The following MTHFD1L variants were observed in gnomAD, a reference collection of about 807,000 sequenced individuals.
The protein encoded by MTHFD1L is methylenetetrahydrofolate dehydrogenase (NADP+ dependent) 1 like, also known as monofunctional C1-tetrahydrofolate synthase, mitochondrial.
In MTHFD1L, 81 loss-of-function variants were observed where a neutral mutation model predicts 119.5. That is an observed-to-expected ratio of 0.68 (90% confidence interval 0.57 to 0.82). MTHFD1L has a LOEUF of 0.82. Ranked by LOEUF, MTHFD1L falls within the 40% of genes least tolerant of loss-of-function variation. MTHFD1L has a pLI of 0.00. For synonymous variants in MTHFD1L, 430 were observed against 475.2 expected, an observed-to-expected ratio of 0.90 and a Z score of 1.24; for missense variants, 1,125 against 1,253.4, an observed-to-expected ratio of 0.90 and a Z score of 1.55.
intron 11 of MTHFD1L, chr6:150,935,389 A>G (rs1674009614): frequency 1.9e-6 from 3 of 1,613,946 alleles, no homozygotes; most frequent in East Asian, 2.2e-5. Context: ...TGAGGAACTC[A>G]TTGTCTCTTT....
chr6:150,914,682 G>A (rs190747870), intron 8 of MTHFD1L, among the ~76,000 whole-genome samples: 254 of 152,302 alleles, frequency 1.7e-3, no homozygotes, highest in African/African-American at 5.9e-3. Flanking sequence ...TAATCAGAAA[G>A]CAACACTGTA....
chr6:150,950,194 C>T (rs1206530941), intron 16 of MTHFD1L, among the ~76,000 whole-genome samples: 3 of 152,180 alleles, frequency 2.0e-5, no homozygotes, highest in East Asian at 1.9e-4. Flanking sequence ...CAGTTGCCAT[C>T]GCAGAGCTTG....
intron 26 of MTHFD1L, among the ~76,000 whole-genome samples, chr6:151,056,778 C>T (rs1417950279): frequency 6.6e-6 from 1 of 152,160 alleles, no homozygotes; most frequent in Non-Finnish European, 1.5e-5. Flanking sequence ...CTTACAGCTC[C>T]AGTTACAAGC....
chr6:150,886,708 G>A (rs1048693399), intron 6 of MTHFD1L, among the ~76,000 whole-genome samples: 2 of 151,690 alleles, frequency 1.3e-5, no homozygotes, highest in African/African-American at 4.8e-5. Flanking sequence ...CAACTAATTG[G>A]GCCGGCACAG....
At chr6:150,931,901 C>T (rs1791103314) in intron 11 of MTHFD1L, among the ~76,000 whole-genome samples, 1 of 152,132 alleles carries the variant, frequency 6.6e-6, no homozygotes, top group Non-Finnish European at 1.5e-5. Flanking sequence ...GTGGCTCACG[C>T]CTGTAATGCC....
intron 13 of MTHFD1L, among the ~76,000 whole-genome samples, chr6:150,941,253 A>G (rs1467340099): frequency 6.6e-6 from 1 of 152,156 alleles, no homozygotes; most frequent in Non-Finnish European, 1.5e-5. Flanking sequence ...AGGGAACTGG[A>G]GGACACCAGG....
At position 151,046,471 on chromosome 6, in the gene MTHFD1L, GTATATATATATATATATA is replaced by G. The variant is rs1156377344; in HGVS notation, c.2847+9381_2847+9398del. Among the ~76,000 whole-genome samples, 179 of 36,444 alleles carry G rather than the reference GTATATATATATATATATA, an allele frequency of 4.9e-3. 1 individual carries two copies. The highest frequency in any genetic ancestry group is 7.7e-3 in the Non-Finnish European group (99 of 12,932). The allele number at this position is 36,444 out of a possible 152,430, so 23.9% of individuals were successfully genotyped here. On this transcript the variant is annotated intron_variant, in intron 26 of 27. Transcript: ENST00000367321. ...ATATATATATATAATATGTGTGTGT[GTATATATATATATATATA>G]TATATATATATATATATATATATAT... is the stretch of plus-strand genomic sequence containing the variant.
chr6:150,882,003 G>A (rs1781463833), intron 4 of MTHFD1L, among the ~76,000 whole-genome samples: 1 of 152,206 alleles, frequency 6.6e-6, no homozygotes, highest in Admixed American at 6.5e-5. Flanking sequence ...CTTCTCACTT[G>A]TGAGCAAATA....
At chr6:150,907,587 G>A (rs557275715) in intron 8 of MTHFD1L, among the ~76,000 whole-genome samples, 10 of 152,144 alleles carry the variant, frequency 6.6e-5, no homozygotes, top group East Asian at 1.9e-4. Flanking sequence ...ATGGCTGACC[G>A]GAAACCACGA....
chr6:150,916,737 C>T (rs1176089103), intron 8 of MTHFD1L, among the ~76,000 whole-genome samples: 1 of 72,114 alleles, frequency 1.4e-5, no homozygotes, highest in African/African-American at 4.4e-5. Context: ...GATTCTATCC[C>T]TTTTTTTTTT....
chr6:150,931,926 C>T (rs982105517), intron 11 of MTHFD1L, among the ~76,000 whole-genome samples: 2 of 152,060 alleles, frequency 1.3e-5, no homozygotes, highest in Admixed American at 6.6e-5. Context: ...CTTTGGGAGG[C>T]CGAGGCGGGC....
chr6:150,983,055 A>G (rs1269971194), intron 20 of MTHFD1L, among the ~76,000 whole-genome samples: 4 of 152,168 alleles, frequency 2.6e-5, no homozygotes, highest in Non-Finnish European at 5.9e-5. Context: ...GTAGTTCATT[A>G]TAGTTGTGAG....
chr6:150,963,745 C>T (rs957462593), intron 18 of MTHFD1L, among the ~76,000 whole-genome samples: 4 of 152,146 alleles, frequency 2.6e-5, no homozygotes, highest in East Asian at 1.9e-4. Context: ...CAAGGGATAG[C>T]GCCCTGTTTT....
At chr6:150,949,539 C>T (rs1244582886) in intron 16 of MTHFD1L, among the ~76,000 whole-genome samples, 1 of 152,134 alleles carries the variant, frequency 6.6e-6, no homozygotes, top group East Asian at 1.9e-4. Flanking sequence ...ACTTCCTTAC[C>T]ACTGGCTCTC....
intron 26 of MTHFD1L, among the ~76,000 whole-genome samples, chr6:151,044,206 C>T (rs1169216131): frequency 1.3e-5 from 2 of 152,096 alleles, no homozygotes; most frequent in East Asian, 3.9e-4. Flanking sequence ...TGTGCCGTTT[C>T]CTTCCCTCTG....
chr6:151,007,711 C>T (rs1781603792), intron 20 of MTHFD1L, among the ~76,000 whole-genome samples: 2 of 152,182 alleles, frequency 1.3e-5, no homozygotes, highest in South Asian at 4.1e-4. Context: ...CCCGGATTAT[C>T]CCTCTTTTGG....
At chr6:151,037,182 A>G in intron 26 of MTHFD1L, 65 bp downstream of exon 26, 4 of 1,553,364 alleles carry the variant, frequency 2.6e-6, no homozygotes, top group Non-Finnish European at 2.7e-6. Flanking sequence ...TCAAATCGTT[A>G]TGCTCCGCCC....
At position 151,085,628 on chromosome 6, in the gene MTHFD1L, G is replaced by A. The variant is rs117647644; in HGVS notation, c.2848-6839G>A. Among the ~76,000 whole-genome samples, 159 of 152,194 alleles carry A rather than the reference G, an allele frequency of 1.0e-3. No homozygotes were observed. In the East Asian group the frequency reaches 0.021, roughly 20 times the overall value. On this transcript the variant is annotated intron_variant, in intron 26 of 27. Transcript: ENST00000367321. Reference sequence around the variant, plus strand: ...TCTACTAAAAATTCAAAAATTACCTGGCCATGGTGGTGGGTGCCTGTAATC... The same window carrying A: ...TCTACTAAAAATTCAAAAATTACCTAGCCATGGTGGTGGGTGCCTGTAATC...
chr6:151,077,108 A>G (rs537429712), intron 26 of MTHFD1L, among the ~76,000 whole-genome samples: 13 of 152,328 alleles, frequency 8.5e-5, no homozygotes, highest in South Asian at 4.1e-4. Context: ...AGAAGAAACC[A>G]GAAGGGAAGA....
Sources: gnomAD v4.1 joint callset for allele counts (sites outside exome capture counted in the v4.1 genomes callset) on GRCh38, gnomAD v4.1.1 for gene constraint, MANE v1.5 for transcripts, NCBI Gene and HGNC (gene_info 2026-07-23, HGNC 2026-07-21) for gene names.